Variants in ALDH1A1 observed in about 807,000 individuals in gnomAD.
The protein encoded by ALDH1A1 is aldehyde dehydrogenase 1 family member A1.
ALDH1A1 carries 19 observed loss-of-function variants against 62.1 expected under a neutral mutation model. That is an observed-to-expected ratio of 0.31 (90% CI 0.21 to 0.45). The LOEUF (loss-of-function observed/expected upper bound fraction) is 0.45. ALDH1A1 is among the 20% of genes least tolerant of loss of function. ALDH1A1 has a pLI of 1.00. For missense variants in ALDH1A1, 521 were observed against 607.1 expected, an observed-to-expected ratio of 0.86 and a Z score of 1.49; for synonymous variants, 231 against 215.9, an observed-to-expected ratio of 1.07 and a Z score of -0.61.
At position 72,916,923 on chromosome 9, in the gene ALDH1A1, A is replaced by C. The variant is rs764124111; in HGVS notation, c.1032T>G (p.Pro344=). The C allele has an allele frequency of 1.2e-6, 2 of 1,604,886 alleles. No individual in the cohort carries two copies. The highest frequency in any genetic ancestry group is 4.5e-5 in the East Asian group (2 of 44,282). ...NPLTPGVTQG[P]QIDKEQYDKI... ...ATCCTTTCTATTTTATACTTACCTG[A>C]GGGCCTTGAGTGACTCCTGGGGTCA... is the stretch of plus-strand genomic sequence containing the variant. Residue 344 remains proline, a synonymous_variant, in exon 9 of 13, where the codon CCT becomes CCG. Coordinates refer to ENST00000297785, the MANE Select transcript of ALDH1A1 (RefSeq NM_000689.5).
intron 2 of ALDH1A1, among the ~76,000 whole-genome samples, chr9:72,933,828 T>G (rs1366852877): frequency 6.6e-6 from 1 of 152,140 alleles, no homozygotes; most frequent in African/African-American, 2.4e-5. Flanking sequence ...AGATTCACTC[T>G]GTTGCCTAGG....
intron 11 of ALDH1A1, among the ~76,000 whole-genome samples, chr9:72,908,611 GAAAGAAAGAAAGAA>G (rs1274606791): frequency 2.0e-4 from 25 of 122,722 alleles, no homozygotes; most frequent in Non-Finnish European, 3.3e-4. Flanking sequence ...AAGAAAGAAA[GAAAGAAAGAAAGAA>G]AGAGAATATT....
chr9:72,923,477 C>T (rs910467069), intron 7 of ALDH1A1, among the ~76,000 whole-genome samples: 5 of 152,054 alleles, frequency 3.3e-5, no homozygotes, highest in East Asian at 1.9e-4. Context: ...CCCTCCTGCC[C>T]GCCACTTCTC....
chr9:72,937,097 T>G (rs961223535), intron 2 of ALDH1A1, among the ~76,000 whole-genome samples: 1 of 152,056 alleles, frequency 6.6e-6, no homozygotes, highest in Admixed American at 6.6e-5. Flanking sequence ...AATAGTCAGG[T>G]TAGTACTAAA....
intron 1 of ALDH1A1, among the ~76,000 whole-genome samples, chr9:72,949,470 T>C (rs1226855326): frequency 6.6e-6 from 1 of 151,802 alleles, no homozygotes; most frequent in Admixed American, 6.6e-5. Context: ...CTTTGTCACT[T>C]ACTTGCTGTG....
chr9:72,920,081 T>A (rs527520495), intron 7 of ALDH1A1, among the ~76,000 whole-genome samples: 1 of 152,170 alleles, frequency 6.6e-6, no homozygotes, highest in Non-Finnish European at 1.5e-5. Flanking sequence ...TTTCTTTTTT[T>A]TACTCTGCAT....
Position 72,916,937 on chromosome 9 carries a change from C to T in ALDH1A1, c.1018G>A (p.Val340Ile), listed in dbSNP as rs753670410. 4 of 1,611,454 alleles carry T rather than the reference C, an allele frequency of 2.5e-6. No homozygotes were observed. In the South Asian group the frequency reaches 3.3e-5, roughly 13 times the overall value. ...YILGNPLTPG[V>I]TQGPQIDKEQ... ...ATACTTACCTGAGGGCCTTGAGTGACTCCTGGGGTCAGAGGATTTCCAAGG... is the reference window on the plus strand; with the variant it reads ...ATACTTACCTGAGGGCCTTGAGTGATTCCTGGGGTCAGAGGATTTCCAAGG... Residue 340 changes from valine (V) to isoleucine (I), a missense_variant, in exon 9 of 13, where the codon GTC (valine) becomes ATC (isoleucine). Val to Ile is a conservative substitution (Grantham distance 29). Transcript: ENST00000297785.
At chr9:72,936,128 A>C (rs929788542) in intron 2 of ALDH1A1, among the ~76,000 whole-genome samples, 1 of 152,198 alleles carries the variant, frequency 6.6e-6, no homozygotes, top group South Asian at 2.1e-4. Context: ...GTTAATGAGC[A>C]TCCTTGATCT....
intron 11 of ALDH1A1, 75 bp from the exon 12 acceptor site, chr9:72,906,107 A>G: frequency 9.0e-7 from 1 of 1,112,562 alleles, no homozygotes; most frequent in East Asian, 2.5e-5. Context: ...AGTTTTAGAA[A>G]TTTGGAAAGC....
At chr9:72,908,487 A>T (rs1829910304) in intron 11 of ALDH1A1, among the ~76,000 whole-genome samples, 1 of 140,988 alleles carries the variant, frequency 7.1e-6, no homozygotes, top group Non-Finnish European at 1.5e-5. Flanking sequence ...AGAGAGAAAG[A>T]GAAAGAGAGA....
At position 72,908,505 on chromosome 9, in the gene ALDH1A1, AC is replaced by A. The variant is rs1158453718; in HGVS notation, c.1358+1096del. ...GAGAAAGAGAAAGAGAGAGAGAGAG[AC>A]GAAAGAAAGAAAGAAAGAAAGAAAG... On this transcript the variant is annotated intron_variant, in intron 11 of 12. Coordinates refer to ENST00000297785, the MANE Select transcript of ALDH1A1 (RefSeq NM_000689.5). Among the ~76,000 whole-genome samples, 21 of 29,300 alleles carry A rather than the reference AC, an allele frequency of 7.2e-4. 4 individuals are homozygous for A. The East Asian group carries it at 7.9e-3, about 11-fold the overall frequency. The allele number at this position is 29,300 out of a possible 152,430, so 19.2% of individuals were successfully genotyped here. A position where few individuals can be genotyped will look rare whatever the true frequency, so the allele number is the denominator to read the frequency against.
At chr9:72,946,978 T>C (rs887666782) in intron 1 of ALDH1A1, among the ~76,000 whole-genome samples, 8 of 151,926 alleles carry the variant, frequency 5.3e-5, no homozygotes, top group African/African-American at 1.9e-4. Flanking sequence ...ACAAATTCAA[T>C]AGGTTAAAGT....
intron 12 of ALDH1A1, among the ~76,000 whole-genome samples, chr9:72,904,638 G>A (rs1829852031): frequency 6.6e-6 from 1 of 152,084 alleles, no homozygotes. Context: ...GAGGTTAAAA[G>A]ATCTATTTTC....
chr9:72,930,160 G>C (rs1830262795), intron 3 of ALDH1A1, among the ~76,000 whole-genome samples: 1 of 151,938 alleles, frequency 6.6e-6, no homozygotes, highest in Non-Finnish European at 1.5e-5. Context: ...TGTTAAATTG[G>C]CTTCATCATA....
rs145863014 is a variant in ALDH1A1, at chr9:72,911,845, G to T, written c.1200+113C>A. 8.2e-4 allele frequency: 1,016 copies of T among 1,234,166 alleles called. 7 individuals carry two copies. In the African/African-American group the frequency reaches 0.013, roughly 15 times the overall value. 76.5% of individuals were successfully genotyped at this position (1,234,166 alleles called of 1,614,324 possible). On this transcript the variant is annotated intron_variant, in intron 10 of 12. Transcript: ENST00000297785. ...TATCAAGAACAGAATAAAGAGTAAG[G>T]TTTAGAGGGAAAGATGTTCCAAAGA...
intron 1 of ALDH1A1, among the ~76,000 whole-genome samples, chr9:72,940,666 T>C (rs1830404724): frequency 6.6e-6 from 1 of 152,196 alleles, no homozygotes; most frequent in Admixed American, 6.5e-5. Context: ...AGAGACTATT[T>C]TCTAATCCTT....
chr9:72,907,768 A>G (rs1173149073), intron 11 of ALDH1A1, among the ~76,000 whole-genome samples: 58 of 152,326 alleles, frequency 3.8e-4, no homozygotes, highest in Non-Finnish European at 8.8e-5. Flanking sequence ...TTCTTGTTGT[A>G]GTACTTGGTA....
intron 4 of ALDH1A1, 74 bp downstream of exon 4, chr9:72,928,818 T>C: frequency 7.2e-7 from 1 of 1,397,772 alleles, no homozygotes; most frequent in South Asian, 2.0e-5. Context: ...AAAGGGAGAG[T>C]TTGAAATTAT....
At chr9:72,914,521 C>A (rs572085207) in intron 9 of ALDH1A1, among the ~76,000 whole-genome samples, 1 of 152,100 alleles carries the variant, frequency 6.6e-6, no homozygotes, top group Non-Finnish European at 1.5e-5. Context: ...AACTGTAACT[C>A]CAAAGTCCAT....
Sources: allele counts gnomAD v4.1 joint callset (sites outside exome capture counted in the v4.1 genomes callset), GRCh38; gene constraint gnomAD v4.1.1; transcripts MANE v1.5; gene names NCBI Gene and HGNC (gene_info 2026-07-23, HGNC 2026-07-21).